Variants in ICE2 observed in about 807,000 individuals in gnomAD.
ICE2 encodes the protein little elongation complex subunit 2.
Under a neutral mutation model 105.4 loss-of-function variants are expected in ICE2, and 87 were observed. The ratio of observed to expected loss-of-function variants is 0.83; its 90% CI spans 0.69 to 0.99. ICE2 has a LOEUF of 0.99. Ranked by LOEUF, ICE2 falls within the 50% of genes least tolerant of loss-of-function variation. The pLI is 0.00. For missense variants in ICE2, 1,323 were observed against 1,146.7 expected (o/e 1.15, Z -2.22); for synonymous variants, 399 against 392.0 (o/e 1.02, Z -0.21).
In ICE2 at chr15:60,423,162, T is replaced by C. The variant is rs945580621; in HGVS notation, c.*472A>G. On this transcript the variant is annotated 3_prime_UTR_variant, in exon 16 of 16. Coordinates refer to ENST00000261520, the MANE Select transcript of ICE2 (RefSeq NM_024611.6). ...CTTTATTAACCTGTAACATTCATCATTTTAAAGGAGTATATAAAAACTGTC... is the reference window on the plus strand; with the variant it reads ...CTTTATTAACCTGTAACATTCATCACTTTAAAGGAGTATATAAAAACTGTC... 1.3e-5 allele frequency: 2 copies of C among 152,872 alleles called. No homozygotes were observed. Among genetic ancestry groups the C allele is most frequent in the African/African-American group, 4.8e-5 (2 of 41,444 alleles). 9.5% of individuals were successfully genotyped at this position (152,872 alleles called of 1,614,324 possible).
intron 12 of ICE2, chr15:60,440,112 A>G (rs902256441): frequency 1.3e-5 from 2 of 152,252 alleles, no homozygotes; most frequent in African/African-American, 4.8e-5. Flanking sequence ...CATGAACTCA[A>G]TGGGTACACA....
At position 60,449,049 on chromosome 15, in the gene ICE2, TA is replaced by T; in HGVS notation, c.1917del (p.Tyr639Ter). 6.2e-7 allele frequency: 1 copy of T among 1,613,264 alleles called. No individual in the cohort carries two copies. Reference sequence around the variant, plus strand: ...ATCTCTCCAACTGGATCAAATTTTTTATATACTCGTTTGATAGGTTTTTTTA... The same window carrying T: ...ATCTCTCCAACTGGATCAAATTTTTTTATACTCGTTTGATAGGTTTTTTTA... ...CVLKKPIKRV[Y>X]KKFDPVGEIL... On this transcript the variant is annotated frameshift_variant, in exon 10 of 16. Transcript: ENST00000261520. LOFTEE classifies it high-confidence loss of function.
chr15:60,432,437 G>A (rs2063483466), intron 13 of ICE2, among the ~76,000 whole-genome samples: 1 of 151,636 alleles, frequency 6.6e-6, no homozygotes, highest in Admixed American at 6.6e-5. Context: ...TGATCCACCC[G>A]CCTCGGCCTC....
intron 1 of ICE2, chr15:60,478,670 T>C (rs112439677): frequency 3.0e-6 from 1 of 333,592 alleles, no homozygotes; most frequent in African/African-American, 2.2e-5. Context: ...CCTAATCAAA[T>C]TTAGGAGTCG....
chr15:60,432,435 C>A (rs563901752), intron 13 of ICE2, among the ~76,000 whole-genome samples: 1 of 151,888 alleles, frequency 6.6e-6, no homozygotes, highest in African/African-American at 2.4e-5. Context: ...GGTGATCCAC[C>A]CGCCTCGGCC....
At chr15:60,466,463 GA>G in intron 5 of ICE2, 130 bp downstream of exon 5, 5 of 981,780 alleles carry the variant, frequency 5.1e-6, no homozygotes, top group Non-Finnish European at 7.5e-6. Flanking sequence ...GCATGATGAA[GA>G]AAAGACCTGT....
chr15:60,436,096 C>A (rs986625471), intron 13 of ICE2, 47 bp downstream of exon 13: 4 of 716,866 alleles, frequency 5.6e-6, no homozygotes, highest in Admixed American at 3.2e-5. Context: ...AATTAATGAT[C>A]ACATTAACAA....
Position 60,455,057 on chromosome 15 carries a change from T to C in ICE2, c.889A>G (p.Thr297Ala). ...GGAATTTCCCACTGTTCCTTGTACGTTGGTCCATGATTATTTAATAAGGTA... is the reference window on the plus strand; with the variant it reads ...GGAATTTCCCACTGTTCCTTGTACGCTGGTCCATGATTATTTAATAAGGTA... The part of the protein sequence containing the change: ...LFTLLNNHGP[T>A]YKEQWEIPVC... The change falls in exon 8 of 16, where the codon ACG becomes GCG. Residue 297 changes from threonine to alanine, a missense_variant. Coordinates refer to ENST00000261520, the MANE Select transcript of ICE2 (RefSeq NM_024611.6). 2 of 1,597,434 alleles carry C rather than the reference T, an allele frequency of 1.3e-6. No individual in the cohort carries two copies. Among genetic ancestry groups the C allele is most frequent in the South Asian group, 2.3e-5 (2 of 87,230 alleles).
intron 8 of ICE2, chr15:60,454,690 CT>C (rs978453869): frequency 2.4e-5 from 5 of 207,110 alleles, no homozygotes; most frequent in South Asian, 3.7e-4. Flanking sequence ...CCTCTTTTTT[CT>C]TTTTTTTAAA....
intron 11 of ICE2, chr15:60,445,635 G>T: frequency 6.1e-6 from 6 of 982,272 alleles, no homozygotes; most frequent in Non-Finnish European, 7.3e-6. Flanking sequence ...TCTTCTATAA[G>T]GTTATGTCTT....
rs1244999442 is a variant in ICE2 at position 60,448,071 on chromosome 15, A to T, written c.2194T>A (p.Tyr732Asn). ...YLAPQEGNFVYKLFSLQDLLL... is the reference protein window; with the variant it reads ...YLAPQEGNFVNKLFSLQDLLL... Reference sequence around the variant, plus strand: ...AGGTCTTGCAGGCTAAATAACTTATAAACAAAATTTCCTTCCTGAGGAGCT... The same window carrying T: ...AGGTCTTGCAGGCTAAATAACTTATTAACAAAATTTCCTTCCTGAGGAGCT... Residue 732 changes from tyrosine (Y) to asparagine (N), a missense_variant, in exon 11 of 16, where the codon TAT (tyrosine) becomes AAT (asparagine). By Grantham distance (143) the Tyr-to-Asn change is moderately radical. Transcript: ENST00000261520. 6.2e-7 allele frequency: 1 copy of T among 1,613,690 alleles called. No homozygotes were observed. The highest frequency in any genetic ancestry group is 1.1e-5 in the South Asian group (1 of 91,072).
At chr15:60,452,068 T>A (rs1345308523) in intron 9 of ICE2, 1 of 984,846 alleles carries the variant, frequency 1.0e-6, no homozygotes, top group Non-Finnish European at 1.2e-6. Flanking sequence ...ACTGTCAATT[T>A]TCATCCCTTT....
intron 6 of ICE2, 77 bp downstream of exon 6, chr15:60,456,580 T>TACAC (rs878893449): frequency 0.038 from 4,475 of 117,712 alleles, 222 homozygotes; most frequent in East Asian, 0.13. Context: ...TATATATATA[T>TACAC]ATATACACAC....
At chr15:60,456,238 A>AAAT (rs2064107894) in intron 6 of ICE2, among the ~76,000 whole-genome samples, 1 of 150,950 alleles carries the variant, frequency 6.6e-6, no homozygotes, top group Non-Finnish European at 1.5e-5. Context: ...CTTAAAATTT[A>AAAT]ATGTCTATAT....
Position 60,440,352 on chromosome 15 carries a change from AG to A in ICE2, c.2425+2063del, listed in dbSNP as rs1212272137. 2.0e-5 allele frequency: 3 copies of A among 152,226 alleles called. No individual in the cohort carries two copies. The South Asian group carries it at 6.2e-4, about 32-fold the overall frequency. The allele number at this position is 152,226 out of a possible 1,614,324, so 9.4% of individuals were successfully genotyped here. On this transcript the variant is annotated intron_variant, in intron 12 of 15. Coordinates refer to ENST00000261520, the MANE Select transcript of ICE2 (RefSeq NM_024611.6). ...ACTATATAGAATTGATAAATATTAT[AG>A]GGTTGGAGGGTGAATACGGAAGTTG...
chr15:60,457,466 C>G (rs1351812650), intron 5 of ICE2, among the ~76,000 whole-genome samples: 1 of 152,072 alleles, frequency 6.6e-6, no homozygotes, highest in Non-Finnish European at 1.5e-5. Flanking sequence ...TTCTAAGATA[C>G]ATATTTTTTC....
chr15:60,468,174 G>T lies in ICE2; in HGVS notation c.295C>A (p.Arg99Ser). The T allele has an allele frequency of 6.2e-7, 1 of 1,614,054 alleles. No homozygotes were observed. Among genetic ancestry groups the T allele is most frequent in the Non-Finnish European group, 8.5e-7 (1 of 1,179,986 alleles). Residue 99 changes from arginine to serine, a missense_variant, in exon 4 of 16, where the codon CGT (arginine) becomes AGT (serine). By Grantham distance (110) the Arg-to-Ser change is moderately radical. Transcript: ENST00000261520. Reference protein sequence around the residue: ...KPRVPYPRFSRFSQREQRSYV... With the variant: ...KPRVPYPRFSSFSQREQRSYV... ...CTCCTCTGCTCTCTCTGTGAGAAAC[G>T]AGAGAAACGAGGATAAGGAACTCTT...
At chr15:60,465,085 C>G (rs547466813) in intron 5 of ICE2, among the ~76,000 whole-genome samples, 1 of 152,262 alleles carries the variant, frequency 6.6e-6, no homozygotes, top group South Asian at 2.1e-4. Context: ...ATGACATTCC[C>G]TTTGGATATA....
At chr15:60,465,902 C>T (rs531248874) in intron 5 of ICE2, among the ~76,000 whole-genome samples, 3 of 151,934 alleles carry the variant, frequency 2.0e-5, no homozygotes, top group African/African-American at 7.3e-5. Flanking sequence ...CAAGCGCCCA[C>T]CACCACGACT....
Sources: gnomAD v4.1 joint callset for allele counts (sites outside exome capture counted in the v4.1 genomes callset) on GRCh38, gnomAD v4.1.1 for gene constraint, MANE v1.5 for transcripts, NCBI Gene and HGNC (gene_info 2026-07-23, HGNC 2026-07-21) for gene names.